The following PPP2R5C variants were observed in gnomAD, a reference collection of about 807,000 sequenced individuals.
PPP2R5C encodes protein phosphatase 2 regulatory subunit B'gamma.
A neutral mutation model predicts 68.9 loss-of-function variants in PPP2R5C; 7 were observed. That is an observed-to-expected ratio of 0.10 (90% CI 0.06 to 0.19). The LOEUF is 0.19. Ranked by LOEUF, PPP2R5C falls within the 10% of genes least tolerant of loss-of-function variation. The pLI, the probability that PPP2R5C is intolerant of heterozygous loss-of-function variation, is 1.00. For synonymous variants in PPP2R5C, 210 were observed against 222.2 expected (o/e 0.95, Z 0.49); for missense variants, 348 against 641.3 (o/e 0.54, Z 4.94).
intron 1 of PPP2R5C, among the ~76,000 whole-genome samples, chr14:101,856,206 G>A (rs2042417112): frequency 6.6e-6 from 1 of 152,170 alleles, no homozygotes. Flanking sequence ...TGTAAGCTGA[G>A]GGCCTATAGG....
intron 2 of PPP2R5C, among the ~76,000 whole-genome samples, chr14:101,773,051 C>CA (rs1268597117): frequency 6.6e-6 from 1 of 152,202 alleles, no homozygotes; most frequent in Non-Finnish European, 1.5e-5. Flanking sequence ...ATTTCTCTGA[C>CA]ATTGCGGCTT....
At chr14:101,816,927 AATAT>A (rs567552488) in intron 1 of PPP2R5C, among the ~76,000 whole-genome samples, 74 of 140,756 alleles carry the variant, frequency 5.3e-4, no homozygotes, top group African/African-American at 1.9e-3. Flanking sequence ...ATATTTATAT[AATAT>A]ATATAATATA....
intron 13 of PPP2R5C, among the ~76,000 whole-genome samples, chr14:101,922,829 A>T (rs1312288763): frequency 1.3e-5 from 2 of 152,246 alleles, no homozygotes; most frequent in African/African-American, 4.8e-5. Context: ...AAAATAAAAA[A>T]AAAATTTTAA....
Position 101,766,370 on chromosome 14 carries a change from T to G in PPP2R5C, c.93+3400T>G, listed in dbSNP as rs116844451. 9 of 152,330 alleles carry G rather than the reference T, an allele frequency of 5.9e-5. No homozygotes were observed. In the East Asian group the frequency reaches 1.7e-3, roughly 29 times the overall value. The allele number at this position is 152,330 out of a possible 1,614,324, so 9.4% of individuals were successfully genotyped here. On this transcript the variant is annotated intron_variant, in intron 2 of 14. Transcript: ENST00000328724. Reference sequence around the variant, plus strand: ...GCCATAAATGATGTCACCTAACTTGTGTGACCCTGTTTTCTCATCCCTAAA... The same window carrying G: ...GCCATAAATGATGTCACCTAACTTGGGTGACCCTGTTTTCTCATCCCTAAA...
At chr14:101,775,321 C>T (rs906037575) in intron 2 of PPP2R5C, among the ~76,000 whole-genome samples, 4 of 152,038 alleles carry the variant, frequency 2.6e-5, no homozygotes, top group South Asian at 4.1e-4. Context: ...TATGATAAAA[C>T]ATCTAGGAGA....
At chr14:101,924,549 T>C (rs1457914561) in intron 13 of PPP2R5C, among the ~76,000 whole-genome samples, 1 of 150,966 alleles carries the variant, frequency 6.6e-6, no homozygotes, top group Non-Finnish European at 1.5e-5. Context: ...TTCAAGCGAT[T>C]CTCCTGCCCC....
chr14:101,855,869 G>C (rs1200664391), intron 1 of PPP2R5C, among the ~76,000 whole-genome samples: 3 of 152,184 alleles, frequency 2.0e-5, no homozygotes, highest in Admixed American at 2.0e-4. Context: ...TATGTCTGTT[G>C]TGCTGTTATA....
rs141646282 is a variant in PPP2R5C at position 101,865,193 on chromosome 14, C to T, written c.294+8308C>T. Among the ~76,000 whole-genome samples the T allele has an allele frequency of 8.7e-4, 133 of 152,254 alleles. 1 individual carries two copies. The highest frequency in any genetic ancestry group is 3.0e-3 in the African/African-American group (123 of 41,554). On this transcript the variant is annotated intron_variant, in intron 2 of 13. Coordinates refer to ENST00000334743, the Ensembl canonical transcript of PPP2R5C. ...CATTATTTAGAGCTCTTTGGGTTAACGGGGGCAGGCACCCAATTCACTGTT... is the reference window on the plus strand; with the variant it reads ...CATTATTTAGAGCTCTTTGGGTTAATGGGGGCAGGCACCCAATTCACTGTT...
chr14:101,884,181 G>GA (rs2044336754), intron 5 of PPP2R5C, among the ~76,000 whole-genome samples: 1 of 152,238 alleles, frequency 6.6e-6, no homozygotes, highest in Admixed American at 6.5e-5. Flanking sequence ...CAGCACAGGA[G>GA]AAAGATGGAG....
At chr14:101,822,243 A>G (rs2140278273) in intron 1 of PPP2R5C, among the ~76,000 whole-genome samples, 1 of 152,254 alleles carries the variant, frequency 6.6e-6, no homozygotes, top group South Asian at 2.1e-4. Context: ...TTACATTAAA[A>G]ATGCATCTGA....
intron 1 of PPP2R5C, chr14:101,824,068 G>A (rs1266171783): frequency 7.8e-7 from 1 of 1,289,184 alleles, no homozygotes; most frequent in Non-Finnish European, 1.0e-6. Flanking sequence ...TGAAGGAACA[G>A]ACTCCAGGAC....
chr14:101,793,111 C>G (rs2038438746), intron 3 of PPP2R5C, among the ~76,000 whole-genome samples: 1 of 152,100 alleles, frequency 6.6e-6, no homozygotes, highest in Admixed American at 6.5e-5. Context: ...CTCCTGACCT[C>G]AAGTGATCCA....
At chr14:101,809,981 G>T in exon 1 of PPP2R5C, 1 of 1,614,022 alleles carries the variant, frequency 6.2e-7, no homozygotes, top group Non-Finnish European at 8.5e-7. Context: ...GGATGGTGGT[G>T]GATGCGGCCA....
chr14:101,883,720 G>A (rs968762037), intron 5 of PPP2R5C, among the ~76,000 whole-genome samples, 158 bp downstream of exon 7: 2 of 152,098 alleles, frequency 1.3e-5, no homozygotes, highest in Non-Finnish European at 2.9e-5. Flanking sequence ...CTTGTGCACT[G>A]TGTGCAGGGG....
In PPP2R5C at chr14:101,762,888, T is replaced by C; in HGVS notation, c.28-17T>C. ...AAAAAGTGAGAAGACTAATTGACTTTGCTTGATGTTTACCAGGAATCACCA... is the reference window on the plus strand; with the variant it reads ...AAAAAGTGAGAAGACTAATTGACTTCGCTTGATGTTTACCAGGAATCACCA... On this transcript the variant is annotated splice_polypyrimidine_tract_variant and intron_variant, in intron 1 of 14. Transcript: ENST00000328724. 1 of 1,573,530 alleles carries C rather than the reference T, an allele frequency of 6.4e-7. No homozygotes were observed. Among genetic ancestry groups the C allele is most frequent in the African/African-American group, 1.3e-5 (1 of 74,272 alleles).
intron 2 of PPP2R5C, among the ~76,000 whole-genome samples, chr14:101,868,684 G>C (rs1294405710): frequency 6.6e-6 from 1 of 152,096 alleles, no homozygotes; most frequent in Non-Finnish European, 1.5e-5. Flanking sequence ...TTTGGTCTAG[G>C]GGTGCAGTGA....
chr14:101,772,650 G>A (rs1358933807), intron 2 of PPP2R5C, among the ~76,000 whole-genome samples: 1 of 151,936 alleles, frequency 6.6e-6, no homozygotes, highest in African/African-American at 2.4e-5. Context: ...TTTTTTAAAA[G>A]CCGAGTGTGG....
At chr14:101,769,167 A>G (rs2037019954) in intron 2 of PPP2R5C, among the ~76,000 whole-genome samples, 1 of 152,184 alleles carries the variant, frequency 6.6e-6, no homozygotes, top group Admixed American at 6.5e-5. Context: ...CTATCCAGAA[A>G]CTTCAGCGAA....
At chr14:101,858,489 TTTTG>T (rs755200610) in intron 2 of PPP2R5C, among the ~76,000 whole-genome samples, 11 of 151,910 alleles carry the variant, frequency 7.2e-5, no homozygotes, top group Non-Finnish European at 1.5e-4. Flanking sequence ...ATTCCAGTTT[TTTTG>T]TTTGTTTGTT....
Sources: gnomAD v4.1 joint callset for allele counts (sites outside exome capture counted in the v4.1 genomes callset) on GRCh38, gnomAD v4.1.1 for gene constraint, MANE v1.5 for transcripts, NCBI Gene and HGNC (gene_info 2026-07-23, HGNC 2026-07-21) for gene names.